Variants in IKBKE observed in about 807,000 individuals in gnomAD.
IKBKE encodes inhibitor of nuclear factor kappa-B kinase subunit epsilon.
IKBKE carries 45 observed loss-of-function variants against 92.1 expected under a neutral mutation model. That is an observed-to-expected ratio of 0.49 (90% CI 0.38 to 0.63). The LOEUF is 0.63. Among genes scored for constraint, IKBKE ranks in the 20% least tolerant of loss-of-function variants. IKBKE has a pLI of 0.00. For missense variants in IKBKE, 700 were observed against 932.8 expected, an observed-to-expected ratio of 0.75 and a Z score of 3.25; for synonymous variants, 374 against 380.3, an observed-to-expected ratio of 0.98 and a Z score of 0.19.
rs1213266265 is a variant in IKBKE at position 206,496,183 on chromosome 1, A to G, written c.*38A>G. ...ACATGAGGCATCCTGAAGCATTAGA[A>G]TGATTCCAACACTGCTCTTCTGCAC... On this transcript the variant is annotated 3_prime_UTR_variant, in exon 22 of 22. Transcript: ENST00000581977. 6.4e-6 allele frequency: 10 copies of G among 1,567,408 alleles called. No homozygotes were observed. The highest frequency in any genetic ancestry group is 1.1e-5 in the South Asian group (1 of 90,306).
At chr1:206,471,395 G>A (rs781999892) in intron 2 of IKBKE, 150 bp downstream of exon 2, 8 of 152,436 alleles carry the variant, frequency 5.2e-5, no homozygotes, top group Non-Finnish European at 1.0e-4. Flanking sequence ...GGTGCTTGGG[G>A]TGGTGGGGGG....
chr1:206,489,040 T>C (rs1278253066), intron 16 of IKBKE, among the ~76,000 whole-genome samples: 1 of 151,698 alleles, frequency 6.6e-6, no homozygotes, highest in Non-Finnish European at 1.5e-5. Context: ...TTTATATTGA[T>C]TACATGCTAA....
chr1:206,483,244 C>T (rs975849061), intron 13 of IKBKE, among the ~76,000 whole-genome samples: 1 of 152,232 alleles, frequency 6.6e-6, no homozygotes, highest in Non-Finnish European at 1.5e-5. Flanking sequence ...GGTGAAGAGC[C>T]TGAGGCCTGG....
At chr1:206,489,891 T>C (rs916568987) in intron 16 of IKBKE, among the ~76,000 whole-genome samples, 6 of 152,300 alleles carry the variant, frequency 3.9e-5, no homozygotes, top group South Asian at 4.1e-4. Context: ...TTTAATAAAA[T>C]TAAAAATGAA....
In IKBKE at chr1:206,487,985, G is replaced by A. The variant is rs2103477540; in HGVS notation, c.1688G>A (p.Arg563Lys). Residue 563 changes from arginine (R) to lysine (K), a missense_variant, in exon 16 of 22, where the codon AGG becomes AAG. Coordinates refer to ENST00000581977, the MANE Select transcript of IKBKE (RefSeq NM_014002.4). This position sits in a 1 kb window ranked among gnomAD's most constrained non-coding sequence, Gnocchi z 5.3. ...AAACAGTTCAAGAAGTCTAGGATGAGGCCAGGTGAGCCCGGGGAGGGCAGA... is the reference window on the plus strand; with the variant it reads ...AAACAGTTCAAGAAGTCTAGGATGAAGCCAGGTGAGCCCGGGGAGGGCAGA... ...IYKQFKKSRMRPGLGYNEEQI... is the reference protein window; with the variant it reads ...IYKQFKKSRMKPGLGYNEEQI... The A allele has an allele frequency of 4.3e-6, 7 of 1,612,488 alleles. No homozygotes were observed. The South Asian group carries it at 6.6e-5, about 15-fold the overall frequency.
intron 16 of IKBKE, 61 bp downstream of exon 16, chr1:206,488,051 T>G (rs1553389267): frequency 7.5e-7 from 1 of 1,328,516 alleles, no homozygotes; most frequent in Admixed American, 1.8e-5. Flanking sequence ...TTCGCCTTTC[T>G]TCCTTTTCAC....
At chr1:206,473,102 A>C in intron 2 of IKBKE, 94 bp from the exon 3 acceptor site, 1 of 725,750 alleles carries the variant, frequency 1.4e-6, no homozygotes, top group Non-Finnish European at 2.4e-6. Flanking sequence ...AGCCCTTCTT[A>C]GGGTAGCCTT....
At position 206,480,036 on chromosome 1, in the gene IKBKE, C is replaced by T. The variant is rs376112105; in HGVS notation, c.1263C>T (p.Ala421=). 6.8e-5 allele frequency: 110 copies of T among 1,608,500 alleles called. No individual in the cohort carries two copies. Among genetic ancestry groups the T allele is most frequent in the Admixed American group, 3.6e-4 (21 of 58,806 alleles). The change falls in exon 12 of 22, where the codon GCC becomes GCT. Residue 421 remains alanine, a synonymous_variant. Transcript: ENST00000581977. Reference sequence around the variant, plus strand: ...CTGTGTTTCAGGGCGTGTTGGGCGCCGGCTACCAGGCCCTGCGGCTGGCAC... The same window carrying T: ...CTGTGTTTCAGGGCGTGTTGGGCGCTGGCTACCAGGCCCTGCGGCTGGCAC... ...DYNTAKGVLG[A]GYQALRLARA... is the part of the protein sequence containing the mutation.
At chr1:206,489,859 T>C (rs1665860039) in intron 16 of IKBKE, among the ~76,000 whole-genome samples, 1 of 152,224 alleles carries the variant, frequency 6.6e-6, no homozygotes, top group Admixed American at 6.5e-5. Context: ...GGAGTTTTAC[T>C]TCTATTGGTC....
Position 206,476,628 on chromosome 1 carries a change from C to G in IKBKE, c.541-50C>G. On this transcript the variant is annotated intron_variant, in intron 6 of 21. Coordinates refer to ENST00000581977, the MANE Select transcript of IKBKE (RefSeq NM_014002.4). This position sits in a 1 kb window ranked among gnomAD's most constrained non-coding sequence, Gnocchi z 5.1. ...GAAAGGGGGTCTGACAGGTCTCAGG[C>G]CCTTGCCAGCCCTCCGGCTCCATGG... The G allele has an allele frequency of 6.2e-7, 1 of 1,608,004 alleles. No homozygotes were observed. Among genetic ancestry groups the G allele is most frequent in the Non-Finnish European group, 8.5e-7 (1 of 1,176,070 alleles).
intron 16 of IKBKE, among the ~76,000 whole-genome samples, 187 bp downstream of exon 16, chr1:206,488,177 T>G (rs1445100269): frequency 1.3e-5 from 2 of 152,254 alleles, no homozygotes; most frequent in Non-Finnish European, 2.9e-5. Context: ...GCAAGGCCCC[T>G]GTCTGCAAGC....
chr1:206,477,463 A>C (rs1665128009), intron 7 of IKBKE, among the ~76,000 whole-genome samples: 4 of 151,736 alleles, frequency 2.6e-5, no homozygotes, highest in Admixed American at 2.6e-4. Context: ...CATGCATAGC[A>C]TGGGCAAAGG....
At chr1:206,489,546 TAAAC>T (rs1320614032) in intron 16 of IKBKE, among the ~76,000 whole-genome samples, 1 of 151,328 alleles carries the variant, frequency 6.6e-6, no homozygotes, top group Non-Finnish European at 1.5e-5. Flanking sequence ...CTACAAAAAA[TAAAC>T]AAAACTAGCT....
Position 206,496,331 on chromosome 1 carries a change from G to A in IKBKE, c.*186G>A. On this transcript the variant is annotated 3_prime_UTR_variant, in exon 22 of 22. Transcript: ENST00000581977. ...TTTCTCCCTGGGAAGCAGCACAGCT[G>A]AGACTGGGCACCAGGCCACCTCTGT... is the stretch of plus-strand genomic sequence containing the variant. 1 of 600,412 alleles carries A rather than the reference G, an allele frequency of 1.7e-6. No individual in the cohort carries two copies. Among genetic ancestry groups the A allele is most frequent in the Non-Finnish European group, 3.0e-6 (1 of 334,022 alleles). 37.2% of individuals were successfully genotyped at this position (600,412 alleles called of 1,614,324 possible). A position where few individuals can be genotyped will look rare whatever the true frequency, so the allele number is the denominator to read the frequency against.
At position 206,476,539 on chromosome 1, in the gene IKBKE, C is replaced by A; in HGVS notation, c.541-139C>A. 8.6e-7 allele frequency: 1 copy of A among 1,168,578 alleles called. No individual in the cohort carries two copies. Among genetic ancestry groups the A allele is most frequent in the Non-Finnish European group, 1.2e-6 (1 of 819,454 alleles). The allele number at this position is 1,168,578 out of a possible 1,614,324, so 72.4% of individuals were successfully genotyped here. ...GTTCTCTAAGATGGAAAAGGTGAGGCTGACACCCATTTTTAAGATGACAAA... is the reference window on the plus strand; with the variant it reads ...GTTCTCTAAGATGGAAAAGGTGAGGATGACACCCATTTTTAAGATGACAAA... On this transcript the variant is annotated intron_variant, in intron 6 of 21. Coordinates refer to ENST00000581977, the MANE Select transcript of IKBKE (RefSeq NM_014002.4). This position sits in a 1 kb window ranked among gnomAD's most constrained non-coding sequence, Gnocchi z 5.1.
chr1:206,494,900 G>A (rs548841614), intron 21 of IKBKE, among the ~76,000 whole-genome samples: 21 of 149,904 alleles, frequency 1.4e-4, no homozygotes, highest in South Asian at 4.2e-4. Context: ...CACTGCGCCC[G>A]GCTACGTACC....
At position 206,475,737 on chromosome 1, in the gene IKBKE, C is replaced by CA. The variant is rs535787711; in HGVS notation, c.359-428dup. 6.0e-3 allele frequency among the ~76,000 whole-genome samples: 558 copies of CA among 92,536 alleles called. 4 individuals are homozygous for CA. Among genetic ancestry groups the CA allele is most frequent in the Admixed American group, 0.013 (115 of 8,898 alleles). 60.7% of individuals were successfully genotyped at this position (92,536 alleles called of 152,430 possible). A position where few individuals can be genotyped will look rare whatever the true frequency, so the allele number is the denominator to read the frequency against. On this transcript the variant is annotated intron_variant, in intron 5 of 21. Transcript: ENST00000581977. ...ATGTGTCAGAGTGAGACTCTGTCTCCAAAAAAAAAAAAAAAATTGGAGAAT... is the reference window on the plus strand; with the variant it reads ...ATGTGTCAGAGTGAGACTCTGTCTCCAAAAAAAAAAAAAAAAATTGGAGAAT...
chr1:206,484,362 C>G (rs1471938095), intron 13 of IKBKE, among the ~76,000 whole-genome samples: 2 of 152,118 alleles, frequency 1.3e-5, no homozygotes, highest in Admixed American at 6.5e-5. Context: ...ATTGATGATG[C>G]CGGGTATTGT....
intron 3 of IKBKE, among the ~76,000 whole-genome samples, chr1:206,473,652 T>G (rs1430313224): frequency 6.6e-6 from 1 of 152,128 alleles, no homozygotes; most frequent in Non-Finnish European, 1.5e-5. Context: ...TGAGATGATA[T>G]CCACTCTGTC....
Sources: gnomAD v4.1 joint callset for allele counts (sites outside exome capture counted in the v4.1 genomes callset) on GRCh38, gnomAD v4.1.1 for gene constraint, Gnocchi (gnomAD v3.1) non-coding constraint, MANE v1.5 for transcripts, NCBI Gene and HGNC (gene_info 2026-07-23, HGNC 2026-07-21) for gene names.